PCDHA1: variants seen among roughly 807,000 people sequenced by gnomAD.
PCDHA1 encodes the protein protocadherin alpha 1.
In PCDHA1, 42 loss-of-function variants were observed where a neutral mutation model predicts 61.3. That is an observed-to-expected ratio of 0.69 (90% CI 0.54 to 0.89). The LOEUF (loss-of-function observed/expected upper bound fraction) is 0.89. PCDHA1 is among the 40% of genes least tolerant of loss of function. The probability of loss-of-function intolerance (pLI) is 0.00; values close to 1 mark genes in which losing one functional copy is unlikely to be tolerated. For missense variants in PCDHA1, 1,256 were observed against 1,235.3 expected, an observed-to-expected ratio of 1.02 and a Z score of -0.25; for synonymous variants, 610 against 553.8, an observed-to-expected ratio of 1.10 and a Z score of -1.43.
At chr5:140,863,313 G>C (rs782656693) in intron 1 of PCDHA1, 5 of 1,460,034 alleles carry the variant, frequency 3.4e-6, no homozygotes, top group Non-Finnish European at 4.6e-6. Flanking sequence ...TCTGCGTGGT[G>C]TCCAGCCTGT....
rs1554214040 is a variant in PCDHA1, at chr5:140,941,214, C to CCTTCCTTTCTTTCTTTCTTTCTTTCTTT, written c.2395-37732_2395-37731insCCTTTCTTTCTTTCTTTCTTTCTTTCTT. Reference sequence around the variant, plus strand: ...TTTTTTCTTTCTTCCTTTCTTTCTTCCTTTCTTTCTTTCTTTCTTTCTTTC... The same window carrying CCTTCCTTTCTTTCTTTCTTTCTTTCTTT: ...TTTTTTCTTTCTTCCTTTCTTTCTTCCTTCCTTTCTTTCTTTCTTTCTTTCTTTCTTTCTTTCTTTCTTTCTTTCTTTC... On this transcript the variant is annotated intron_variant, in intron 1 of 3. Transcript: ENST00000504120. Among the ~76,000 whole-genome samples, 25 of 122,492 alleles carry CCTTCCTTTCTTTCTTTCTTTCTTTCTTT rather than the reference C, an allele frequency of 2.0e-4. 1 individual carries two copies. Among genetic ancestry groups the CCTTCCTTTCTTTCTTTCTTTCTTTCTTT allele is most frequent in the East Asian group, 4.6e-4 (2 of 4,322 alleles). The allele number at this position is 122,492 out of a possible 152,430, so 80.4% of individuals were successfully genotyped here.
intron 1 of PCDHA1, chr5:140,927,356 G>C: frequency 6.2e-7 from 1 of 1,614,076 alleles, no homozygotes. Context: ...GACGAGGGAA[G>C]CAATGGGATA....
intron 1 of PCDHA1, chr5:140,854,500 C>T (rs1489975615): frequency 2.0e-5 from 3 of 149,908 alleles, no homozygotes; most frequent in Non-Finnish European, 3.0e-5. Context: ...TAGTAGGACA[C>T]ATAAACTGAT....
At chr5:140,826,341 C>G (rs2150143506) in intron 1 of PCDHA1, among the ~76,000 whole-genome samples, 21 of 152,068 alleles carry the variant, frequency 1.4e-4, no homozygotes, top group South Asian at 6.2e-4. Flanking sequence ...GAAATTGAAC[C>G]CTTTGTTTGC....
intron 1 of PCDHA1, among the ~76,000 whole-genome samples, chr5:140,970,399 G>A (rs2096402631): frequency 6.6e-6 from 1 of 152,172 alleles, no homozygotes; most frequent in Non-Finnish European, 1.5e-5. Flanking sequence ...AAAGTGGATG[G>A]CTTACCCTAC....
At chr5:140,834,215 T>A (rs1425160106) in intron 1 of PCDHA1, 2 of 654,798 alleles carry the variant, frequency 3.1e-6, no homozygotes, top group Non-Finnish European at 5.1e-6. Flanking sequence ...TCTTTCGTAA[T>A]CAGCAAAAGG....
At chr5:140,802,658 C>A in intron 1 of PCDHA1, 1 of 1,613,590 alleles carries the variant, frequency 6.2e-7, no homozygotes, top group Non-Finnish European at 8.5e-7. Flanking sequence ...CGCAGGAGAA[C>A]GCCCTGGTGT....
intron 1 of PCDHA1, chr5:140,795,250 T>C: frequency 6.2e-7 from 1 of 1,614,164 alleles, no homozygotes; most frequent in Non-Finnish European, 8.5e-7. Context: ...GGAGGAGCTG[T>C]GCGGGCGGAG....
chr5:140,886,697 G>A (rs1230801248), intron 1 of PCDHA1, among the ~76,000 whole-genome samples: 4 of 151,750 alleles, frequency 2.6e-5, no homozygotes. Context: ...ATGGTGGCAC[G>A]CGCCTGTAAT....
chr5:140,809,353 G>T, intron 1 of PCDHA1: 1 of 1,614,034 alleles, frequency 6.2e-7, no homozygotes, highest in South Asian at 1.1e-5. Flanking sequence ...CCGCGCTGCG[G>T]TGCTCTGCGC....
At chr5:140,999,159 G>A (rs1056236953) in intron 3 of PCDHA1, among the ~76,000 whole-genome samples, 2 of 152,182 alleles carry the variant, frequency 1.3e-5, no homozygotes, top group African/African-American at 2.4e-5. Flanking sequence ...CAGTCCCCTA[G>A]AAGGAAAAGA....
chr5:141,004,037 G>C (rs946974688), intron 3 of PCDHA1, among the ~76,000 whole-genome samples: 1 of 152,200 alleles, frequency 6.6e-6, no homozygotes, highest in African/African-American at 2.4e-5. Context: ...TTCCTTGATT[G>C]ATCATTTGCT....
intron 1 of PCDHA1, among the ~76,000 whole-genome samples, chr5:140,906,837 A>C (rs543572104): frequency 2.0e-4 from 31 of 152,292 alleles, no homozygotes; most frequent in African/African-American, 7.5e-4. Flanking sequence ...GACTGATTTC[A>C]TCTTGAGAGT....
intron 1 of PCDHA1, chr5:140,883,872 T>A (rs1554180376): frequency 1.2e-6 from 2 of 1,612,996 alleles, no homozygotes; most frequent in African/African-American, 1.3e-5. Flanking sequence ...CAGTTCCAGG[T>A]GAGCGCGCGC....
rs1554117881 is a variant in PCDHA1 at position 140,787,585 on chromosome 5, C to T, written c.1295C>T (p.Ser432Leu). The change falls in exon 1 of 4, where the codon TCG becomes TTG. Residue 432 changes from serine (S) to leucine (L), a missense_variant. By Grantham distance (145) the Ser-to-Leu change is moderately radical. Coordinates refer to ENST00000504120, the MANE Select transcript of PCDHA1 (RefSeq NM_018900.4). ...ELVVTARDGG[S>L]PSLWATARVS... ...GTGGTGACCGCGCGGGACGGGGGCT[C>T]GCCTTCGCTGTGGGCCACGGCCAGG... 3.1e-6 allele frequency: 5 copies of T among 1,613,992 alleles called. No individual in the cohort carries two copies. In the East Asian group the frequency reaches 8.9e-5, roughly 29 times the overall value.
intron 1 of PCDHA1, chr5:140,808,009 TG>T: frequency 1.2e-6 from 2 of 1,613,914 alleles, no homozygotes; most frequent in Non-Finnish European, 1.7e-6. Flanking sequence ...AAGGATTGAA[TG>T]GGGACATTGT....
chr5:140,987,138 C>T (rs2097231368), intron 3 of PCDHA1, among the ~76,000 whole-genome samples: 1 of 151,182 alleles, frequency 6.6e-6, no homozygotes, highest in Non-Finnish European at 1.5e-5. Context: ...TGCTTGAACT[C>T]GGGAGGTGGA....
chr5:140,793,410 A>G (rs1761773463), intron 1 of PCDHA1, among the ~76,000 whole-genome samples: 1 of 152,252 alleles, frequency 6.6e-6, no homozygotes. Context: ...TATGATTAAC[A>G]TAAATACACA....
chr5:140,906,661 A>C (rs1237437986), intron 1 of PCDHA1, among the ~76,000 whole-genome samples: 1 of 152,176 alleles, frequency 6.6e-6, no homozygotes, highest in African/African-American at 2.4e-5. Flanking sequence ...TTCCTGGTGT[A>C]GTGACCCAAA....
Sources: allele counts gnomAD v4.1 joint callset (sites outside exome capture counted in the v4.1 genomes callset), GRCh38; gene constraint gnomAD v4.1.1; transcripts MANE v1.5; gene names NCBI Gene and HGNC (gene_info 2026-07-23, HGNC 2026-07-21).